ANXA8: variants seen among roughly 807,000 people sequenced by gnomAD.
ANXA8 encodes the protein annexin A8, also known as VAC-beta.
In ANXA8, 9 loss-of-function variants were observed where a neutral mutation model predicts 26.8. That is an observed-to-expected ratio of 0.34 (90% confidence interval 0.20 to 0.59). The LOEUF (loss-of-function observed/expected upper bound fraction) is 0.59, where lower values mean the gene tolerates loss of function less well. Ranked by LOEUF, ANXA8 falls within the 20% of genes least tolerant of loss-of-function variation. The pLI is 0.84. For synonymous variants in ANXA8, 39 were observed against 94.8 expected, an observed-to-expected ratio of 0.41 and a Z score of 3.42; for missense variants, 83 against 238.5, an observed-to-expected ratio of 0.35 and a Z score of 4.29.
At chr10:47,982,312 AC>A in the ANXA8 span, among the ~76,000 whole-genome samples, 2 of 149,862 alleles carry the variant, frequency 1.3e-5, no homozygotes, top group South Asian at 2.1e-4. Context: ...AAACAAAACA[AC>A]CCCCCCAAAC....
At chr10:47,969,730 C>G in the ANXA8 span, among the ~76,000 whole-genome samples, 2 of 149,538 alleles carry the variant, frequency 1.3e-5, no homozygotes, top group Non-Finnish European at 3.0e-5. Context: ...TTTTTCTTTT[C>G]TAAGAGATGG....
chr10:47,894,913 T>C, the ANXA8 span, among the ~76,000 whole-genome samples: 1 of 150,490 alleles, frequency 6.6e-6, no homozygotes, highest in African/African-American at 2.5e-5. Context: ...ACACACAGCA[T>C]ACACACATCA....
At chr10:47,707,990 T>C in the ANXA8 span, among the ~76,000 whole-genome samples, 3 of 136,824 alleles carry the variant, frequency 2.2e-5, no homozygotes, top group African/African-American at 5.0e-5. Context: ...CAGTGGAGGA[T>C]TGAATAAAGA....
chr10:47,599,750 T>C, the ANXA8 span: 1 of 151,478 alleles, frequency 6.6e-6, no homozygotes, highest in Non-Finnish European at 1.5e-5. Flanking sequence ...GAAAATTCGC[T>C]TGATAGCCAA....
the ANXA8 span, among the ~76,000 whole-genome samples, chr10:47,743,360 A>ATAT: frequency 2.4e-5 from 1 of 41,994 alleles, no homozygotes; most frequent in African/African-American, 5.6e-5. Flanking sequence ...ATATACACAT[A>ATAT]TATATATATA....
chr10:47,981,250 C>T, the ANXA8 span, among the ~76,000 whole-genome samples: 1 of 150,210 alleles, frequency 6.7e-6, no homozygotes, highest in Non-Finnish European at 1.5e-5. Context: ...AATCAATATC[C>T]TTTCATGATA....
At chr10:47,748,674 A>AAG in the ANXA8 span, among the ~76,000 whole-genome samples, 1 of 150,188 alleles carries the variant, frequency 6.7e-6, no homozygotes, top group African/African-American at 2.4e-5. Flanking sequence ...TCTTTTGTAG[A>AAG]GGGGGGGGAT....
chr10:47,510,010 G>A, the ANXA8 span, among the ~76,000 whole-genome samples: 4 of 141,924 alleles, frequency 2.8e-5, no homozygotes, highest in Admixed American at 7.2e-5. Flanking sequence ...CCACCACGAC[G>A]TCTAAGATTA....
At chr10:47,605,920 C>T in the ANXA8 span, among the ~76,000 whole-genome samples, 3 of 113,810 alleles carry the variant, frequency 2.6e-5, no homozygotes, top group African/African-American at 1.2e-4. Context: ...AAATGACTTA[C>T]TAGTTTTAAA....
the ANXA8 span, chr10:47,489,528 A>G: frequency 1.7e-6 from 1 of 596,438 alleles, no homozygotes; most frequent in African/African-American, 2.0e-5. Context: ...AGGTTGGCCC[A>G]GCACCTAGCT....
chr10:47,653,274 T>C, the ANXA8 span, among the ~76,000 whole-genome samples: 2 of 149,484 alleles, frequency 1.3e-5, no homozygotes, highest in African/African-American at 5.1e-5. Context: ...ACTGCGCCAC[T>C]GCACTCCAGC....
chr10:47,953,999 G>A, the ANXA8 span, among the ~76,000 whole-genome samples: 1 of 150,518 alleles, frequency 6.6e-6, no homozygotes, highest in Non-Finnish European at 1.5e-5. Flanking sequence ...CCAAACAACT[G>A]AAAATAGAAC....
chr10:47,665,227 A>G, the ANXA8 span, among the ~76,000 whole-genome samples: 2 of 149,044 alleles, frequency 1.3e-5, no homozygotes, highest in Non-Finnish European at 2.9e-5. Context: ...AGGTATTAAT[A>G]AAGGAAAAGA....
chr10:47,932,794 G>T, the ANXA8 span, among the ~76,000 whole-genome samples: 1 of 78,870 alleles, frequency 1.3e-5, no homozygotes, highest in Non-Finnish European at 2.4e-5. Context: ...ATGTCCATCT[G>T]CAACCCAGGA....
the ANXA8 span, among the ~76,000 whole-genome samples, chr10:47,707,819 C>G: frequency 7.7e-6 from 1 of 130,140 alleles, no homozygotes; most frequent in Admixed American, 8.2e-5. Context: ...GGGGTTTTCT[C>G]AAAGAAGTTA....
the ANXA8 span, among the ~76,000 whole-genome samples, chr10:47,937,050 A>C: frequency 6.7e-6 from 1 of 149,736 alleles, no homozygotes; most frequent in African/African-American, 2.4e-5. Context: ...AGGCACCTTG[A>C]GGGATGTTGA....
In ANXA8 at chr10:47,468,871, C is replaced by T. The variant is rs1205382985; in HGVS notation, c.960G>A (p.Leu320=). ...DTSGDYKNAL[L]SLVGSDP The stretch of plus-strand genomic sequence containing the variant: ...CTCAGGGGTCGCTGCCCACCAGGCT[C>T]AGCAGGGCGTTCTTGTAGTCACCGC... The change falls in exon 12 of 12, where the codon CTG becomes CTA. Residue 320 remains leucine (L), a synonymous_variant. Transcript: ENST00000585281. 31 of 1,610,996 alleles carry T rather than the reference C, an allele frequency of 1.9e-5. No homozygotes were observed. In the East Asian group the frequency reaches 6.0e-4, roughly 31 times the overall value.
the ANXA8 span, among the ~76,000 whole-genome samples, chr10:47,646,756 C>T: frequency 6.6e-6 from 1 of 151,920 alleles, no homozygotes; most frequent in Non-Finnish European, 1.5e-5. Context: ...TAAAATAGCC[C>T]CACATACTTG....
chr10:47,983,121 C>A, the ANXA8 span, among the ~76,000 whole-genome samples: 1 of 40,418 alleles, frequency 2.5e-5, no homozygotes, highest in Non-Finnish European at 4.7e-5. Flanking sequence ...AATTGAAAAC[C>A]CCATTCATTG....
Sources: gnomAD v4.1 joint callset for allele counts (sites outside exome capture counted in the v4.1 genomes callset) on GRCh38, gnomAD v4.1.1 for gene constraint, MANE v1.5 for transcripts, NCBI Gene and HGNC (gene_info 2026-07-23, HGNC 2026-07-21) for gene names.